Variants in ELF2 observed in about 807,000 individuals in gnomAD.
ELF2 encodes ETS-related transcription factor Elf-2.
In ELF2, 11 loss-of-function variants were observed where a neutral mutation model predicts 54.8. The observed-to-expected ratio is 0.20, with a 90% confidence interval of 0.13 to 0.33. The LOEUF (loss-of-function observed/expected upper bound fraction) is 0.33, where lower values mean the gene tolerates loss of function less well. Ranked by LOEUF, ELF2 falls within the 10% of genes least tolerant of loss-of-function variation. The probability of loss-of-function intolerance (pLI) is 1.00; values close to 1 mark genes in which losing one functional copy is unlikely to be tolerated. For missense variants in ELF2, 513 were observed against 703.0 expected, an observed-to-expected ratio of 0.73 and a Z score of 3.06; for synonymous variants, 203 against 245.1, an observed-to-expected ratio of 0.83 and a Z score of 1.61.
chr4:139,147,799 T>C (rs867211134), intron 1 of ELF2, among the ~76,000 whole-genome samples: 1,919 of 148,976 alleles, frequency 0.013, 48 homozygotes, highest in African/African-American at 0.045. Context: ...TTTTTTTTTT[T>C]TCCTGAGATG....
At chr4:139,142,866 CA>C (rs35505802) in intron 1 of ELF2, among the ~76,000 whole-genome samples, 27,432 of 121,458 alleles carry the variant, frequency 0.23, 2,544 homozygotes, top group South Asian at 0.37. Context: ...GACCTTGTCT[CA>C]AAAAAAAAAA....
intron 4 of ELF2, among the ~76,000 whole-genome samples, chr4:139,124,042 G>T (rs1479676111): frequency 6.6e-6 from 1 of 151,654 alleles, no homozygotes; most frequent in Non-Finnish European, 1.5e-5. Flanking sequence ...TGGATGCCTG[G>T]TTTTTTGTTT....
In ELF2 at chr4:139,102,695, G is replaced by T. The variant is rs1438383839; in HGVS notation, c.238+22469C>A. 2.7e-5 allele frequency among the ~76,000 whole-genome samples: 4 copies of T among 150,786 alleles called. No homozygotes were observed. In the East Asian group the frequency reaches 7.8e-4, roughly 29 times the overall value. On this transcript the variant is annotated intron_variant, in intron 4 of 9. Coordinates refer to ENST00000686138, the MANE Select transcript of ELF2 (RefSeq NM_001331036.3). ...ATCTCTACTAAAAATAAAAAAATTA[G>T]CCAGGCGTGGTGGCGGGCACCTGTA...
At chr4:139,131,488 G>T (rs546374957) in intron 3 of ELF2, among the ~76,000 whole-genome samples, 87 of 152,198 alleles carry the variant, frequency 5.7e-4, no homozygotes, top group African/African-American at 1.9e-3. Context: ...TGAAAGCAGT[G>T]GTATTGTAAT....
At chr4:139,172,555 T>A (rs1369445034) in intron 1 of ELF2, among the ~76,000 whole-genome samples, 1 of 152,006 alleles carries the variant, frequency 6.6e-6, no homozygotes, top group Admixed American at 6.6e-5. Flanking sequence ...GCTCAAACAC[T>A]CAAGAGTAAT....
intron 1 of ELF2, among the ~76,000 whole-genome samples, chr4:139,151,036 G>GAAAAGAAAAGAAAAGA (rs1205361498): frequency 2.0e-4 from 6 of 30,146 alleles, no homozygotes; most frequent in African/African-American, 4.7e-4. Flanking sequence ...AAAAAAAAAA[G>GAAAAGAAAAGAAAAGA]AAAGAAAGAA....
chr4:139,169,209 A>G (rs1383393683), intron 1 of ELF2, among the ~76,000 whole-genome samples: 1 of 151,986 alleles, frequency 6.6e-6, no homozygotes, highest in Non-Finnish European at 1.5e-5. Flanking sequence ...TTAGCCAGGC[A>G]TGGTGGCGCA....
chr4:139,121,614 A>G (rs977381817), intron 4 of ELF2, among the ~76,000 whole-genome samples: 3 of 152,048 alleles, frequency 2.0e-5, no homozygotes, highest in Non-Finnish European at 4.4e-5. Context: ...CTCATTCACC[A>G]TACCAGTCTA....
chr4:139,141,924 T>C (rs1738745677), intron 1 of ELF2, among the ~76,000 whole-genome samples: 1 of 152,172 alleles, frequency 6.6e-6, no homozygotes, highest in Non-Finnish European at 1.5e-5. Context: ...AGATAAGGTA[T>C]ACATAAATAC....
intron 7 of ELF2, 104 bp downstream of exon 7, chr4:139,067,580 T>C: frequency 5.1e-6 from 6 of 1,169,886 alleles, no homozygotes; most frequent in Non-Finnish European, 7.5e-6. Flanking sequence ...AGCGACAGTA[T>C]TCTCATATGT....
Position 139,092,743 on chromosome 4 carries a change from G to T in ELF2, c.239-19176C>A, listed in dbSNP as rs529063143. 1.9e-4 allele frequency among the ~76,000 whole-genome samples: 29 copies of T among 152,028 alleles called. 1 individual carries two copies. The highest frequency in any genetic ancestry group is 6.0e-4 in the African/African-American group (25 of 41,480). ...GTGAACCTGGGAGGCGGAGCTTGCA[G>T]TGAGCCCAGATCACGCCACTGCACT... On this transcript the variant is annotated intron_variant, in intron 4 of 9. Transcript: ENST00000686138.
intron 3 of ELF2, among the ~76,000 whole-genome samples, chr4:139,126,834 A>G (rs1251766836): frequency 6.6e-6 from 1 of 152,138 alleles, no homozygotes; most frequent in Non-Finnish European, 1.5e-5. Flanking sequence ...CCCATCAATA[A>G]GAGAGAGTGA....
intron 3 of ELF2, chr4:139,136,706 A>C (rs949258856): frequency 4.5e-5 from 6 of 134,758 alleles, no homozygotes; most frequent in East Asian, 2.1e-4. Flanking sequence ...GCTCTGTCGC[A>C]CAGGCTGGAG....
intron 4 of ELF2, chr4:139,115,328 G>T (rs1735558736): frequency 2.0e-6 from 3 of 1,472,470 alleles, no homozygotes; most frequent in South Asian, 2.6e-5. Context: ...CGGCCCGGGG[G>T]CCGGGGTCGC....
chr4:139,121,604 C>T (rs1284531385), intron 4 of ELF2, among the ~76,000 whole-genome samples: 1 of 152,064 alleles, frequency 6.6e-6, no homozygotes, highest in Non-Finnish European at 1.5e-5. Flanking sequence ...CTTCCCTCCC[C>T]TCATTCACCA....
intron 1 of ELF2, among the ~76,000 whole-genome samples, chr4:139,147,918 C>G (rs1192771514): frequency 6.6e-6 from 1 of 151,518 alleles, no homozygotes; most frequent in African/African-American, 2.4e-5. Flanking sequence ...TCCCGAGTAG[C>G]TGGGATTACA....
intron 1 of ELF2, among the ~76,000 whole-genome samples, chr4:139,170,623 G>C (rs1742197991): frequency 1.3e-5 from 2 of 149,198 alleles, no homozygotes; most frequent in Non-Finnish European, 3.0e-5. Context: ...GGCAGATCAT[G>C]TATCTACTAA....
At chr4:139,114,933 C>T in intron 4 of ELF2, 2 of 1,613,278 alleles carry the variant, frequency 1.2e-6, no homozygotes, top group South Asian at 1.1e-5. Flanking sequence ...GGGACCCTCA[C>T]TTCTTCTGGG....
At chr4:139,151,065 A>G (rs796490776) in intron 1 of ELF2, among the ~76,000 whole-genome samples, 1 of 147,050 alleles carries the variant, frequency 6.8e-6, no homozygotes, top group African/African-American at 2.6e-5. Flanking sequence ...AGAAAGAAAG[A>G]AAGAAAGAAA....
Sources: allele counts gnomAD v4.1 joint callset (sites outside exome capture counted in the v4.1 genomes callset), GRCh38; gene constraint gnomAD v4.1.1; transcripts MANE v1.5; gene names NCBI Gene and HGNC (gene_info 2026-07-23, HGNC 2026-07-21).